Variants in E2F3 observed in about 807,000 individuals in gnomAD.
The protein encoded by E2F3 is transcription factor E2F3.
Under a neutral mutation model 44.4 loss-of-function variants are expected in E2F3, and 11 were observed. That is an observed-to-expected ratio of 0.25 (90% CI 0.16 to 0.41). E2F3 has a LOEUF of 0.41. Ranked by LOEUF, E2F3 falls within the 10% of genes least tolerant of loss-of-function variation. The pLI is 1.00. For synonymous variants in E2F3, 249 were observed against 253.0 expected (o/e 0.98, Z 0.15); for missense variants, 487 against 583.6 (o/e 0.83, Z 1.70).
intron 1 of E2F3, among the ~76,000 whole-genome samples, chr6:20,438,256 G>A (rs1760658966): frequency 6.6e-6 from 1 of 152,170 alleles, no homozygotes; most frequent in Non-Finnish European, 1.5e-5. Context: ...ATAAACATAA[G>A]GGTGTTAATC....
intron 1 of E2F3, among the ~76,000 whole-genome samples, chr6:20,445,871 T>G (rs192543651): frequency 8.5e-5 from 13 of 152,348 alleles, no homozygotes; most frequent in Non-Finnish European, 1.8e-4. Context: ...AATCAGTTAT[T>G]CCAGCTCGGG....
intron 1 of E2F3, among the ~76,000 whole-genome samples, chr6:20,416,074 T>C (rs574378272): frequency 6.6e-6 from 1 of 152,266 alleles, no homozygotes; most frequent in South Asian, 2.1e-4. Flanking sequence ...CCTCACAGAG[T>C]TACTGTAAGG....
chr6:20,422,159 C>T (rs1317705440), intron 1 of E2F3, among the ~76,000 whole-genome samples: 3 of 152,224 alleles, frequency 2.0e-5, no homozygotes, highest in African/African-American at 7.2e-5. Context: ...GAATAACTTG[C>T]TGCTGTTTCT....
chr6:20,483,655 A>G (rs993057929), intron 4 of E2F3, among the ~76,000 whole-genome samples: 1 of 152,192 alleles, frequency 6.6e-6, no homozygotes, highest in Non-Finnish European at 1.5e-5. Context: ...GCTCTTCATC[A>G]TCTCACTACA....
intron 1 of E2F3, among the ~76,000 whole-genome samples, chr6:20,463,811 C>A (rs1761609487): frequency 6.6e-6 from 1 of 152,148 alleles, no homozygotes; most frequent in Non-Finnish European, 1.5e-5. Flanking sequence ...GCGTCAGATC[C>A]CACAGGTTGA....
intron 1 of E2F3, among the ~76,000 whole-genome samples, chr6:20,476,232 G>T (rs980271133): frequency 6.6e-6 from 1 of 152,120 alleles, no homozygotes; most frequent in Non-Finnish European, 1.5e-5. Flanking sequence ...TTAGCCGGGC[G>T]TGGTGGCGGA....
chr6:20,436,354 G>A (rs1345563985), intron 1 of E2F3, among the ~76,000 whole-genome samples: 1 of 152,008 alleles, frequency 6.6e-6, no homozygotes, highest in African/African-American at 2.4e-5. Flanking sequence ...TCTAGATCGG[G>A]GTGTCCAATC....
intron 1 of E2F3, among the ~76,000 whole-genome samples, chr6:20,453,650 G>A (rs937330573): frequency 3.3e-5 from 5 of 152,112 alleles, no homozygotes; most frequent in African/African-American, 7.2e-5. Context: ...GGGCTCGGGC[G>A]ATCCTACCTC....
chr6:20,472,943 G>A (rs1001720058), intron 1 of E2F3, among the ~76,000 whole-genome samples: 3 of 152,096 alleles, frequency 2.0e-5, no homozygotes, highest in African/African-American at 7.2e-5. Context: ...GGTCTAACTC[G>A]GACATATGTT....
chr6:20,419,844 G>A (rs1173954853), intron 1 of E2F3, among the ~76,000 whole-genome samples: 1 of 150,626 alleles, frequency 6.6e-6, no homozygotes, highest in African/African-American at 2.4e-5. Flanking sequence ...GGGATTACAG[G>A]CGCAAGCTAC....
intron 1 of E2F3, among the ~76,000 whole-genome samples, chr6:20,415,006 C>A (rs1759796402): frequency 6.6e-6 from 1 of 152,124 alleles, no homozygotes; most frequent in Non-Finnish European, 1.5e-5. Context: ...ACTTTGTGTT[C>A]CTTAGTTGCC....
At position 20,493,169 on chromosome 6, in the gene E2F3, A is replaced by C; in HGVS notation, c.*2739A>C. On this transcript the variant is annotated 3_prime_UTR_variant, in exon 7 of 7. Coordinates refer to ENST00000346618, the MANE Select transcript of E2F3 (RefSeq NM_001949.5). ...GCAATTAATTTGTAAACACTGCCAG[A>C]ATACTTTCTAGCTGCTTTGTAATTT... 1 of 225,618 alleles carries C rather than the reference A, an allele frequency of 4.4e-6. No individual in the cohort carries two copies. The highest frequency in any genetic ancestry group is 8.9e-6 in the Non-Finnish European group (1 of 112,992). 14.0% of individuals were successfully genotyped at this position (225,618 alleles called of 1,614,324 possible).
At chr6:20,412,562 A>C (rs764472686) in intron 1 of E2F3, among the ~76,000 whole-genome samples, 3 of 152,106 alleles carry the variant, frequency 2.0e-5, no homozygotes, top group Non-Finnish European at 4.4e-5. Context: ...TGTGTTGGCA[A>C]AACTGATCTA....
chr6:20,466,118 G>A lies in E2F3; in HGVS notation c.394-13728G>A, dbSNP rs545712362. Among the ~76,000 whole-genome samples, 413 of 151,644 alleles carry A rather than the reference G, an allele frequency of 2.7e-3. 1 individual carries two copies. The highest frequency in any genetic ancestry group is 9.5e-3 in the African/African-American group (392 of 41,296). Reference sequence around the variant, plus strand: ...CCACGCCAACATGTTTTTGGGGTGCGGGGCGGGGGGTGTGGGCAGAGTCTC... The same window carrying A: ...CCACGCCAACATGTTTTTGGGGTGCAGGGCGGGGGGTGTGGGCAGAGTCTC... On this transcript the variant is annotated intron_variant, in intron 1 of 6. Transcript: ENST00000346618.
At chr6:20,474,984 A>G (rs1374625689) in intron 1 of E2F3, among the ~76,000 whole-genome samples, 1 of 152,228 alleles carries the variant, frequency 6.6e-6, no homozygotes, top group Non-Finnish European at 1.5e-5. Context: ...TGTCCTCCAC[A>G]GGGACAGCAG....
chr6:20,457,971 A>G (rs905256386), intron 1 of E2F3, among the ~76,000 whole-genome samples: 1 of 152,120 alleles, frequency 6.6e-6, no homozygotes, highest in Non-Finnish European at 1.5e-5. Flanking sequence ...CACATTTTTC[A>G]TAGCAATTTG....
chr6:20,486,341 C>T (rs749027573), intron 4 of E2F3, among the ~76,000 whole-genome samples: 159 of 152,296 alleles, frequency 1.0e-3, no homozygotes, highest in Non-Finnish European at 1.8e-3. Context: ...GGCGCGATCT[C>T]GTCTCACTGC....
chr6:20,485,558 G>A (rs186506812), intron 4 of E2F3, among the ~76,000 whole-genome samples: 1 of 152,310 alleles, frequency 6.6e-6, no homozygotes, highest in Admixed American at 6.5e-5. Flanking sequence ...CAGCCTGGGT[G>A]ACAGAGCAAG....
chr6:20,444,347 C>A (rs1188623985), intron 1 of E2F3, among the ~76,000 whole-genome samples: 1 of 152,158 alleles, frequency 6.6e-6, no homozygotes, highest in Admixed American at 6.5e-5. Flanking sequence ...ATTAGCTACT[C>A]ATGATTCGCA....
Sources: allele counts gnomAD v4.1 joint callset (sites outside exome capture counted in the v4.1 genomes callset), GRCh38; gene constraint gnomAD v4.1.1; transcripts MANE v1.5; gene names NCBI Gene and HGNC (gene_info 2026-07-23, HGNC 2026-07-21).